The following PITPNC1 variants were observed in gnomAD, a reference collection of about 807,000 sequenced individuals.
The protein encoded by PITPNC1 is cytoplasmic phosphatidylinositol transfer protein 1.
PITPNC1 carries 18 observed loss-of-function variants against 44.7 expected under a neutral mutation model. That is an observed-to-expected ratio of 0.40 (90% CI 0.28 to 0.60). PITPNC1 has a LOEUF of 0.60. PITPNC1 is among the 20% of genes least tolerant of loss of function. The pLI is 0.39. For synonymous variants in PITPNC1, 141 were observed against 149.6 expected (o/e 0.94, Z 0.42); for missense variants, 290 against 418.4 (o/e 0.69, Z 2.68).
intron 1 of PITPNC1, among the ~76,000 whole-genome samples, chr17:67,391,310 C>T (rs978669479): frequency 6.6e-6 from 1 of 151,850 alleles, no homozygotes; most frequent in Non-Finnish European, 1.5e-5. Flanking sequence ...TAATCTAAGC[C>T]GCTAATCTCC....
chr17:67,461,468 T>C (rs73342143), intron 1 of PITPNC1, among the ~76,000 whole-genome samples: 2,935 of 152,276 alleles, frequency 0.019, 109 homozygotes, highest in African/African-American at 0.067. Context: ...GGGGACCACA[T>C]ACATATCACA....
At position 67,532,962 on chromosome 17, in the gene PITPNC1, C is replaced by T. The variant is rs752864071; in HGVS notation, c.197+12C>T. The T allele has an allele frequency of 3.1e-6, 5 of 1,601,938 alleles. No homozygotes were observed. The African/African-American group carries it at 5.4e-5, about 17-fold the overall frequency. On this transcript the variant is annotated intron_variant, in intron 2 of 8. Transcript: ENST00000581322. The stretch of plus-strand genomic sequence containing the variant: ...GTGTATCTCAACAGGTGAGTCATGG[C>T]AGCCTGCGTTCTGCACAGAAGCCCC...
At chr17:67,387,251 C>T (rs1567970921) in intron 1 of PITPNC1, among the ~76,000 whole-genome samples, 2 of 152,182 alleles carry the variant, frequency 1.3e-5, no homozygotes, top group East Asian at 3.8e-4. Context: ...GCTCCCAGCC[C>T]CTGCTGCTCT....
chr17:67,545,858 T>G (rs1940344252), intron 2 of PITPNC1, among the ~76,000 whole-genome samples: 1 of 152,082 alleles, frequency 6.6e-6, no homozygotes, highest in African/African-American at 2.4e-5. Flanking sequence ...CAAACATCCC[T>G]GCCCTGGTGG....
chr17:67,585,130 A>AAT (rs1568052714), intron 5 of PITPNC1, among the ~76,000 whole-genome samples: 13 of 151,634 alleles, frequency 8.6e-5, no homozygotes, highest in South Asian at 4.2e-4. Context: ...AAAAAAAAAA[A>AAT]AAAAAACCAG....
chr17:67,609,472 T>C (rs1469794557), intron 5 of PITPNC1, among the ~76,000 whole-genome samples: 3 of 152,050 alleles, frequency 2.0e-5, no homozygotes, highest in East Asian at 3.9e-4. Flanking sequence ...GTATTCTTAA[T>C]AGAGACGGGA....
At chr17:67,406,657 G>C (rs1598623601) in intron 1 of PITPNC1, among the ~76,000 whole-genome samples, 2 of 150,646 alleles carry the variant, frequency 1.3e-5, no homozygotes, top group Admixed American at 1.3e-4. Context: ...TGCGATCTCA[G>C]CCCACTGCAG....
At chr17:67,392,219 G>A (rs1164576797) in intron 1 of PITPNC1, among the ~76,000 whole-genome samples, 1 of 152,152 alleles carries the variant, frequency 6.6e-6, no homozygotes, top group Non-Finnish European at 1.5e-5. Context: ...TCCGGTGGAG[G>A]TAAGCAAATT....
intron 4 of PITPNC1, among the ~76,000 whole-genome samples, chr17:67,569,059 T>C (rs1421361301): frequency 6.6e-6 from 1 of 151,876 alleles, no homozygotes; most frequent in Non-Finnish European, 1.5e-5. Flanking sequence ...AGGGCCCCCA[T>C]TCACTGCAGC....
chr17:67,380,501 T>C (rs979745565), intron 1 of PITPNC1, among the ~76,000 whole-genome samples: 3 of 152,236 alleles, frequency 2.0e-5, no homozygotes, highest in African/African-American at 7.2e-5. Context: ...AAGGTTCATA[T>C]TCTGAAGTCA....
intron 4 of PITPNC1, among the ~76,000 whole-genome samples, chr17:67,564,902 C>A (rs1400135705): frequency 6.6e-6 from 1 of 152,002 alleles, no homozygotes; most frequent in African/African-American, 2.4e-5. Flanking sequence ...CCACTACTCT[C>A]CTCCATGAGA....
Position 67,523,808 on chromosome 17 carries a change from T to C in PITPNC1, c.49-8994T>C, listed in dbSNP as rs866767164. ...CCAGCTCAGAAATACATGGAAACCGTTTTTTTTTTTTTTTTTTTTTTTAAT... is the reference window on the plus strand; with the variant it reads ...CCAGCTCAGAAATACATGGAAACCGCTTTTTTTTTTTTTTTTTTTTTTAAT... On this transcript the variant is annotated intron_variant, in intron 1 of 8. Transcript: ENST00000581322. 2.5e-3 allele frequency among the ~76,000 whole-genome samples: 344 copies of C among 139,306 alleles called. 27 individuals are homozygous for C. Among genetic ancestry groups the C allele is most frequent in the African/African-American group, 4.8e-3 (181 of 37,804 alleles). The allele number at this position is 139,306 out of a possible 152,430, so 91.4% of individuals were successfully genotyped here. A position where few individuals can be genotyped will look rare whatever the true frequency, so the allele number is the denominator to read the frequency against.
At chr17:67,535,873 C>G (rs1473941200) in intron 2 of PITPNC1, among the ~76,000 whole-genome samples, 1 of 152,184 alleles carries the variant, frequency 6.6e-6, no homozygotes, top group Non-Finnish European at 1.5e-5. Flanking sequence ...AGGGACTGGG[C>G]ATGTCATGCC....
chr17:67,562,029 T>A (rs542494459), intron 4 of PITPNC1, among the ~76,000 whole-genome samples: 1 of 152,352 alleles, frequency 6.6e-6, no homozygotes, highest in African/African-American at 2.4e-5. Flanking sequence ...CCTTGACAAG[T>A]CCAGCCCTAG....
chr17:67,652,753 G>A lies in PITPNC1; in HGVS notation c.463-16755G>A, dbSNP rs893518777. 3.9e-5 allele frequency among the ~76,000 whole-genome samples: 6 copies of A among 152,310 alleles called. No homozygotes were observed. In the East Asian group the frequency reaches 5.8e-4, roughly 15 times the overall value. ...GAGCCAGATGCCACTACTGGGGTTCGGTGCTCCGTGACCACATGAGTGAGC... is the reference window on the plus strand; with the variant it reads ...GAGCCAGATGCCACTACTGGGGTTCAGTGCTCCGTGACCACATGAGTGAGC... On this transcript the variant is annotated intron_variant, in intron 6 of 8. Transcript: ENST00000581322.
At chr17:67,473,842 G>A (rs955534602) in intron 1 of PITPNC1, among the ~76,000 whole-genome samples, 5 of 152,130 alleles carry the variant, frequency 3.3e-5, no homozygotes, top group Admixed American at 3.3e-4. Context: ...GACCCTGCCT[G>A]CAGCTATTAT....
chr17:67,463,111 C>CAT (rs1207277483), intron 1 of PITPNC1, among the ~76,000 whole-genome samples: 1 of 152,184 alleles, frequency 6.6e-6, no homozygotes, highest in Non-Finnish European at 1.5e-5. Flanking sequence ...AGACTGTGTA[C>CAT]ATATATAATT....
intron 1 of PITPNC1, among the ~76,000 whole-genome samples, chr17:67,440,498 TTTTATTTATTTATTTATTTA>T (rs59003947): frequency 9.2e-4 from 126 of 137,636 alleles, no homozygotes; most frequent in East Asian, 9.2e-3. Context: ...TTGCAAGACT[TTTTATTTATTTATTTATTTA>T]TTTATTTATT....
chr17:67,516,642 T>C (rs928507676), intron 1 of PITPNC1, among the ~76,000 whole-genome samples: 6 of 152,142 alleles, frequency 3.9e-5, no homozygotes, highest in Non-Finnish European at 7.4e-5. Flanking sequence ...AGTTTCTTTT[T>C]TGAGATGGAG....
Sources: allele counts gnomAD v4.1 joint callset (sites outside exome capture counted in the v4.1 genomes callset), GRCh38; gene constraint gnomAD v4.1.1; transcripts MANE v1.5; gene names NCBI Gene and HGNC (gene_info 2026-07-23, HGNC 2026-07-21).